The following MCF2L2 variants were observed in gnomAD, a reference collection of about 807,000 sequenced individuals.
The protein encoded by MCF2L2 is probable guanine nucleotide exchange factor MCF2L2.
In MCF2L2, 102 loss-of-function variants were observed where a neutral mutation model predicts 150.2. That is an observed-to-expected ratio of 0.68 (90% CI 0.58 to 0.80). MCF2L2 has a LOEUF of 0.80. Ranked by LOEUF, MCF2L2 falls within the 30% of genes least tolerant of loss-of-function variation. The pLI is 0.00. For synonymous variants in MCF2L2, 465 were observed against 491.3 expected (o/e 0.95, Z 0.71); for missense variants, 1,256 against 1,372.8 (o/e 0.91, Z 1.34).
chr3:183,256,537 G>C (rs1359155568), intron 15 of MCF2L2, among the ~76,000 whole-genome samples: 4 of 152,108 alleles, frequency 2.6e-5, no homozygotes, highest in Non-Finnish European at 4.4e-5. Flanking sequence ...CTCTTCCATA[G>C]AAGGCTTTAA....
intron 20 of MCF2L2, 33 bp from the exon 21 acceptor site, chr3:183,219,957 A>G: frequency 6.8e-7 from 1 of 1,480,690 alleles, no homozygotes; most frequent in Non-Finnish European, 9.4e-7. Context: ...TTGAAAATTA[A>G]AATGTACATT....
intron 3 of MCF2L2, among the ~76,000 whole-genome samples, chr3:183,371,436 G>T (rs959610524): frequency 3.3e-5 from 5 of 150,986 alleles, no homozygotes; most frequent in African/African-American, 1.2e-4. Context: ...AGAGACAAAA[G>T]GTTGCAGTCT....
chr3:183,339,492 T>C (rs1322093870), intron 4 of MCF2L2, among the ~76,000 whole-genome samples: 1 of 152,228 alleles, frequency 6.6e-6, no homozygotes, highest in African/African-American at 2.4e-5. Flanking sequence ...TTGTAAATAA[T>C]ACTGAGACGA....
intron 23 of MCF2L2, 99 bp downstream of exon 23, chr3:183,207,509 A>G: frequency 1.1e-6 from 1 of 907,252 alleles, no homozygotes; most frequent in South Asian, 1.6e-5. Context: ...AGTTAACTTC[A>G]CCTCTCTACA....
rs1722122927 is a variant in MCF2L2, at chr3:183,197,727, T to C, written c.2885-2472A>G. Among the ~76,000 whole-genome samples, 1 of 152,114 alleles carries C rather than the reference T, an allele frequency of 6.6e-6. No homozygotes were observed. The highest frequency in any genetic ancestry group is 2.4e-5 in the African/African-American group (1 of 41,428). ...ATTAAAAGGACATATATCTAGGATA[T>C]ACATAAAAACTCTCAAAAGTCAATA... On this transcript the variant is annotated intron_variant, in intron 25 of 29. Transcript: ENST00000328913. The surrounding 1 kb of genome is among the most constrained non-coding windows in gnomAD (Gnocchi z 4.5).
chr3:183,262,961 C>T (rs946291528), intron 15 of MCF2L2, among the ~76,000 whole-genome samples: 24 of 151,648 alleles, frequency 1.6e-4, no homozygotes, highest in Non-Finnish European at 2.7e-4. Flanking sequence ...GGTGGGAGGG[C>T]AAAGGTGTCC....
intron 8 of MCF2L2, 130 bp downstream of exon 8, chr3:183,311,518 C>T: frequency 3.9e-6 from 4 of 1,015,858 alleles, no homozygotes; most frequent in East Asian, 5.0e-5. Context: ...CCTTTGTTGT[C>T]TCAAATATTC....
chr3:183,272,214 T>C, intron 15 of MCF2L2: 1 of 999,974 alleles, frequency 1.0e-6, no homozygotes, highest in Middle Eastern at 5.2e-4. Context: ...TACATTTATT[T>C]TACAAAGCAG....
At chr3:183,180,295 G>C in intron 27 of MCF2L2, 136 bp from the exon 28 acceptor site, 3 of 671,662 alleles carry the variant, frequency 4.5e-6, no homozygotes, top group Non-Finnish European at 8.0e-6. Flanking sequence ...CCAAGGGCCT[G>C]CACTGCGCTG....
Position 183,297,056 on chromosome 3 carries a change from C to T in MCF2L2, c.1417G>A (p.Gly473Ser), listed in dbSNP as rs146349996. Residue 473 changes from glycine (G) to serine (S), a missense_variant, in exon 12 of 30, where the codon GGC becomes AGC. Physicochemically the swap from Gly to Ser is moderately conservative, Grantham distance 56. Coordinates refer to ENST00000328913, the MANE Select transcript of MCF2L2 (RefSeq NM_015078.4). ...IALNDIATFL[G>S]TVKEYPLLSP... ...AGCAACGGGTACTCCTTGACTGTGC[C>T]CAGGAATGTCGCAATGTCGTTCAAG... The T allele has an allele frequency of 6.2e-7, 1 of 1,614,128 alleles. No homozygotes were observed. The highest frequency in any genetic ancestry group is 2.2e-5 in the East Asian group (1 of 44,878).
In MCF2L2 at chr3:183,229,842, T is replaced by A. The variant is rs182787837; in HGVS notation, c.1930-61A>T. The A allele has an allele frequency of 3.5e-5, 24 of 694,758 alleles. No homozygotes were observed. The East Asian group carries it at 6.7e-4, about 19-fold the overall frequency. The allele number at this position is 694,758 out of a possible 1,614,324, so 43.0% of individuals were successfully genotyped here. A position where few individuals can be genotyped will look rare whatever the true frequency, so the allele number is the denominator to read the frequency against. The stretch of plus-strand genomic sequence containing the variant: ...GGAACATACCAGAGATCATCTGAAT[T>A]AGCTACTGCAAAACCCAAAACTTTA... On this transcript the variant is annotated intron_variant, in intron 16 of 29. Coordinates refer to ENST00000328913, the MANE Select transcript of MCF2L2 (RefSeq NM_015078.4).
chr3:183,420,960 T>C (rs1271116269), intron 1 of MCF2L2, among the ~76,000 whole-genome samples: 1 of 152,244 alleles, frequency 6.6e-6, no homozygotes, highest in Non-Finnish European at 1.5e-5. Context: ...TCAGACAGTT[T>C]TGCTGAATAC....
chr3:183,271,007 T>G (rs1726725397), intron 15 of MCF2L2: 2 of 1,369,206 alleles, frequency 1.5e-6, no homozygotes, highest in South Asian at 3.1e-5. Context: ...TAAATGTTCG[T>G]CTATACCCTA....
intron 5 of MCF2L2, among the ~76,000 whole-genome samples, chr3:183,331,346 G>A (rs945473211): frequency 1.3e-5 from 2 of 152,096 alleles, no homozygotes; most frequent in African/African-American, 4.8e-5. Flanking sequence ...AGGTGACCCC[G>A]ACCCCTGGAC....
chr3:183,310,770 G>GGGGT, intron 9 of MCF2L2, 145 bp downstream of exon 9: 1 of 611,612 alleles, frequency 1.6e-6, no homozygotes. Context: ...GGGGTTGGAG[G>GGGGT]GGGTGGTCTG....
At chr3:183,419,565 A>G (rs1465008352) in intron 1 of MCF2L2, among the ~76,000 whole-genome samples, 1 of 152,226 alleles carries the variant, frequency 6.6e-6, no homozygotes, top group Non-Finnish European at 1.5e-5. Flanking sequence ...GAACACTTTC[A>G]GAATAAGTCT....
Position 183,207,736 on chromosome 3 carries a change from A to C in MCF2L2, c.2584T>G (p.Leu862Val). The change falls in exon 23 of 30, where the codon TTG becomes GTG. Residue 862 changes from leucine (L) to valine (V), a missense_variant. Transcript: ENST00000328913. ...IHKDRYKMKD[L>V]IRFKPSQRQI... is the part of the protein sequence containing the mutation. ...CTCTGGCTGGGTTTAAATCGAATCA[A>C]ATCCTTCATTTTATAACGATCCTTG... 1 of 1,614,226 alleles carries C rather than the reference A, an allele frequency of 6.2e-7. No individual in the cohort carries two copies. Among genetic ancestry groups the C allele is most frequent in the African/African-American group, 1.3e-5 (1 of 75,052 alleles).
At chr3:183,391,876 C>T (rs1410381204) in intron 1 of MCF2L2, among the ~76,000 whole-genome samples, 1 of 151,834 alleles carries the variant, frequency 6.6e-6, no homozygotes, top group Admixed American at 6.5e-5. Flanking sequence ...TTGTTCATAC[C>T]TGAGCATTTT....
intron 15 of MCF2L2, among the ~76,000 whole-genome samples, chr3:183,258,786 C>A (rs1411913861): frequency 2.6e-5 from 4 of 152,086 alleles, no homozygotes; most frequent in Non-Finnish European, 4.4e-5. Flanking sequence ...GTTGTCCAGG[C>A]TAGAGTGCAG....
Sources: allele counts gnomAD v4.1 joint callset (sites outside exome capture counted in the v4.1 genomes callset), GRCh38; gene constraint gnomAD v4.1.1; non-coding constraint Gnocchi (gnomAD v3.1); transcripts MANE v1.5; gene names NCBI Gene and HGNC (gene_info 2026-07-23, HGNC 2026-07-21).